Variants in LPGAT1 observed in about 807,000 individuals in gnomAD.
LPGAT1 encodes lysophosphatidylglycerol acyltransferase 1, also known as acyl-CoA:lysophosphatidylglycerol acyltransferase 1.
A neutral mutation model predicts 47.5 loss-of-function variants in LPGAT1; 11 were observed. The ratio of observed to expected loss-of-function variants is 0.23; its 90% confidence interval spans 0.15 to 0.38. LPGAT1 has a LOEUF of 0.38. Ranked by LOEUF, LPGAT1 falls within the 10% of genes least tolerant of loss-of-function variation. The pLI is 1.00. For missense variants in LPGAT1, 293 were observed against 439.0 expected, an observed-to-expected ratio of 0.67 and a Z score of 2.97; for synonymous variants, 138 against 144.2, an observed-to-expected ratio of 0.96 and a Z score of 0.31.
chr1:211,744,740 C>T lies in LPGAT1; in HGVS notation c.*5159G>A, dbSNP rs899253877. On this transcript the variant is annotated 3_prime_UTR_variant, in exon 8 of 8. Coordinates refer to ENST00000366997, the MANE Select transcript of LPGAT1 (RefSeq NM_014873.3). ...GTATAGTTGAATACATAATTTTCTCCCAGAAGAGTGAACTGCTAAACATTT... is the reference window on the plus strand; with the variant it reads ...GTATAGTTGAATACATAATTTTCTCTCAGAAGAGTGAACTGCTAAACATTT... The T allele has an allele frequency of 2.6e-5, 4 of 152,052 alleles. No individual in the cohort carries two copies. The highest frequency in any genetic ancestry group is 7.2e-5 in the African/African-American group (3 of 41,384). 9.4% of individuals were successfully genotyped at this position (152,052 alleles called of 1,614,324 possible).
intron 2 of LPGAT1, among the ~76,000 whole-genome samples, chr1:211,796,925 G>T (rs940054320): frequency 6.6e-6 from 1 of 152,068 alleles, no homozygotes; most frequent in African/African-American, 2.4e-5. Context: ...CAGACCAAAT[G>T]TCAATTTACC....
chr1:211,821,604 T>C (rs902735864), intron 2 of LPGAT1, among the ~76,000 whole-genome samples: 9 of 152,184 alleles, frequency 5.9e-5, no homozygotes, highest in African/African-American at 1.4e-4. Context: ...TGTATAGTCT[T>C]AAAGCTCAAG....
chr1:211,808,728 CTGG>C (rs1659854577), intron 2 of LPGAT1, among the ~76,000 whole-genome samples: 1 of 152,164 alleles, frequency 6.6e-6, no homozygotes, highest in Non-Finnish European at 1.5e-5. Context: ...GATATTTACC[CTGG>C]AGCAGAACTC....
chr1:211,755,431 CA>C (rs1657399972), intron 6 of LPGAT1, among the ~76,000 whole-genome samples: 2 of 150,572 alleles, frequency 1.3e-5, no homozygotes, highest in Admixed American at 1.3e-4. Context: ...AAAAAAAAAT[CA>C]GAAAAGAATA....
At chr1:211,789,705 A>G (rs1337542302) in intron 3 of LPGAT1, among the ~76,000 whole-genome samples, 1 of 152,086 alleles carries the variant, frequency 6.6e-6, no homozygotes, top group Non-Finnish European at 1.5e-5. Flanking sequence ...CCTCGTCTCT[A>G]CTAAAAATAC....
intron 6 of LPGAT1, among the ~76,000 whole-genome samples, chr1:211,754,064 C>T (rs553571436): frequency 1.1e-3 from 175 of 152,280 alleles, no homozygotes; most frequent in Non-Finnish European, 2.0e-3. Context: ...AGCACACTGA[C>T]ATCACTTCAC....
At chr1:211,822,718 C>A (rs527433243) in intron 2 of LPGAT1, among the ~76,000 whole-genome samples, 15 of 151,370 alleles carry the variant, frequency 9.9e-5, no homozygotes, top group Non-Finnish European at 1.9e-4. Context: ...GCGGACGTTG[C>A]AGTGGGCCAA....
intron 4 of LPGAT1, among the ~76,000 whole-genome samples, chr1:211,784,128 G>A (rs1658750646): frequency 6.6e-6 from 1 of 152,200 alleles, no homozygotes; most frequent in Admixed American, 6.5e-5. Context: ...CAGTGTGGCT[G>A]AAGTGTGATA....
At chr1:211,814,129 T>C (rs1024167028) in intron 2 of LPGAT1, among the ~76,000 whole-genome samples, 1 of 152,210 alleles carries the variant, frequency 6.6e-6, no homozygotes, top group Admixed American at 6.5e-5. Flanking sequence ...CACATATATT[T>C]GAAAAACATT....
intron 6 of LPGAT1, among the ~76,000 whole-genome samples, chr1:211,765,075 G>A (rs754512182): frequency 2.6e-4 from 39 of 152,256 alleles, no homozygotes; most frequent in Admixed American, 4.6e-4. Context: ...CTTGCTGATT[G>A]AGCAGAAGTG....
At chr1:211,758,704 G>GA (rs926126202) in intron 6 of LPGAT1, among the ~76,000 whole-genome samples, 11 of 146,634 alleles carry the variant, frequency 7.5e-5, no homozygotes, top group Non-Finnish European at 1.4e-4. Flanking sequence ...CTCCGTCTCA[G>GA]AAAAAAAAAA....
chr1:211,764,023 T>A (rs1000611114), intron 6 of LPGAT1, among the ~76,000 whole-genome samples: 4 of 152,110 alleles, frequency 2.6e-5, no homozygotes, highest in African/African-American at 9.7e-5. Context: ...AATACAAAAA[T>A]TAGCTGAGCG....
intron 2 of LPGAT1, among the ~76,000 whole-genome samples, chr1:211,812,530 T>C (rs1660023958): frequency 6.6e-6 from 1 of 152,192 alleles, no homozygotes; most frequent in African/African-American, 2.4e-5. Flanking sequence ...ATTGTGACCA[T>C]GTGCAAAGGT....
intron 3 of LPGAT1, among the ~76,000 whole-genome samples, chr1:211,791,793 A>C (rs1008615631): frequency 6.8e-6 from 1 of 147,088 alleles, no homozygotes; most frequent in African/African-American, 2.4e-5. Flanking sequence ...AAAACAAAAA[A>C]AAACATTGTT....
At chr1:211,768,759 C>T (rs1399934892) in intron 6 of LPGAT1, among the ~76,000 whole-genome samples, 1 of 152,146 alleles carries the variant, frequency 6.6e-6, no homozygotes. Flanking sequence ...AAAATCATCC[C>T]AAATCCTCTT....
intron 2 of LPGAT1, among the ~76,000 whole-genome samples, chr1:211,818,264 T>C (rs1660249599): frequency 6.6e-6 from 1 of 152,014 alleles, no homozygotes. Flanking sequence ...ATCACCCAAG[T>C]CTCTGGGATC....
At chr1:211,803,897 C>G (rs1235505037) in intron 2 of LPGAT1, among the ~76,000 whole-genome samples, 2 of 151,272 alleles carry the variant, frequency 1.3e-5, no homozygotes, top group Non-Finnish European at 2.9e-5. Flanking sequence ...AAGCTGGGAC[C>G]GCCAGCATGC....
At chr1:211,759,515 T>C (rs1413229391) in intron 6 of LPGAT1, among the ~76,000 whole-genome samples, 1 of 152,230 alleles carries the variant, frequency 6.6e-6, no homozygotes, top group East Asian at 1.9e-4. Context: ...ATGTTTCCTA[T>C]TTCAACAAAT....
chr1:211,764,296 T>C (rs1223688869), intron 6 of LPGAT1, among the ~76,000 whole-genome samples: 2 of 152,236 alleles, frequency 1.3e-5, no homozygotes, highest in African/African-American at 4.8e-5. Flanking sequence ...GACTGCGCTA[T>C]TCTCAGCTTT....
Sources: gnomAD v4.1 joint callset for allele counts (sites outside exome capture counted in the v4.1 genomes callset) on GRCh38, gnomAD v4.1.1 for gene constraint, MANE v1.5 for transcripts, NCBI Gene and HGNC (gene_info 2026-07-23, HGNC 2026-07-21) for gene names.